SGCZ: variants seen among roughly 807,000 people sequenced by gnomAD.
SGCZ encodes sarcoglycan zeta.
A neutral mutation model predicts 41.3 loss-of-function variants in SGCZ; 40 were observed. The ratio of observed to expected loss-of-function variants is 0.97; its 90% CI spans 0.75 to 1.26. The LOEUF (loss-of-function observed/expected upper bound fraction) is 1.26. Ranked by LOEUF, SGCZ falls within the 50% of genes most tolerant of loss-of-function variation. SGCZ has a pLI of 0.00. For synonymous variants in SGCZ, 206 were observed against 137.5 expected (o/e 1.50, Z -3.49); for missense variants, 552 against 369.8 (o/e 1.49, Z -4.04).
intron 1 of SGCZ, among the ~76,000 whole-genome samples, chr8:14,801,149 C>T (rs1899363): frequency 0.064 from 9,678 of 152,108 alleles, 681 homozygotes; most frequent in African/African-American, 0.17. Context: ...TAACGAAGAT[C>T]GCATTGGTCA....
intron 2 of SGCZ, among the ~76,000 whole-genome samples, chr8:14,514,765 T>G (rs1262483651): frequency 3.0e-5 from 4 of 131,586 alleles, no homozygotes; most frequent in South Asian, 2.5e-4. Context: ...ATGTGTAAAT[T>G]TATATACATA....
chr8:14,591,526 A>T (rs10104442), intron 1 of SGCZ, among the ~76,000 whole-genome samples: 149,495 of 152,134 alleles, frequency 0.98, 73,504 homozygotes, highest in Non-Finnish European at 1. Flanking sequence ...GAAATATAAA[A>T]TATACACAAA....
chr8:14,725,647 T>G (rs1810025256), intron 1 of SGCZ, among the ~76,000 whole-genome samples: 1 of 152,206 alleles, frequency 6.6e-6, no homozygotes, highest in Non-Finnish European at 1.5e-5. Flanking sequence ...TAAAAATCAC[T>G]ATTACTAACA....
intron 1 of SGCZ, among the ~76,000 whole-genome samples, chr8:14,656,854 G>T (rs1365299382): frequency 6.6e-6 from 1 of 151,808 alleles, no homozygotes; most frequent in Non-Finnish European, 1.5e-5. Context: ...TGACTTACAT[G>T]TATGTTTTGA....
chr8:14,758,637 G>C (rs994858135), intron 1 of SGCZ, among the ~76,000 whole-genome samples: 7 of 152,236 alleles, frequency 4.6e-5, no homozygotes, highest in Admixed American at 3.3e-4. Context: ...ACTTGTGATT[G>C]GTGCACAGTC....
chr8:14,723,712 ATATGTCTATATAGTGCATC>A (rs1809963068), intron 1 of SGCZ, among the ~76,000 whole-genome samples: 1 of 152,054 alleles, frequency 6.6e-6, no homozygotes, highest in African/African-American at 2.4e-5. Flanking sequence ...ATATGCATAC[ATATGTCTATATAGTGCATC>A]TATGTGTATA....
chr8:15,095,474 T>G (rs1806312619), intron 1 of SGCZ, among the ~76,000 whole-genome samples: 1 of 152,236 alleles, frequency 6.6e-6, no homozygotes, highest in South Asian at 2.1e-4. Flanking sequence ...CTTAATAGGT[T>G]TTCATTTGTA....
intron 3 of SGCZ, among the ~76,000 whole-genome samples, chr8:14,253,118 T>C (rs191135930): frequency 1.8e-3 from 271 of 152,156 alleles, no homozygotes; most frequent in Non-Finnish European, 3.1e-3. Flanking sequence ...GAAGTAAATA[T>C]AGAATATGCT....
At chr8:15,053,395 G>A (rs994609974) in intron 1 of SGCZ, among the ~76,000 whole-genome samples, 7 of 151,656 alleles carry the variant, frequency 4.6e-5, no homozygotes, top group Admixed American at 3.3e-4. Flanking sequence ...CTCCTCTTCC[G>A]TAGTTGATTT....
chr8:14,338,990 A>G (rs1802603042), intron 2 of SGCZ, among the ~76,000 whole-genome samples: 1 of 152,160 alleles, frequency 6.6e-6, no homozygotes, highest in Non-Finnish European at 1.5e-5. Flanking sequence ...TCAAAAATGA[A>G]ATTGAACTTT....
chr8:14,198,756 A>T (rs1805360184), intron 4 of SGCZ, among the ~76,000 whole-genome samples: 1 of 152,280 alleles, frequency 6.6e-6, no homozygotes, highest in Non-Finnish European at 1.5e-5. Flanking sequence ...TGATGATTTT[A>T]TGGATGTTTA....
intron 1 of SGCZ, among the ~76,000 whole-genome samples, chr8:14,823,198 A>G (rs183872215): frequency 2.8e-3 from 419 of 152,212 alleles, no homozygotes; most frequent in Non-Finnish European, 2.7e-3. Context: ...AGACTTCAAA[A>G]GCACAGGTAA....
intron 1 of SGCZ, among the ~76,000 whole-genome samples, chr8:14,853,700 A>G (rs1188817942): frequency 2.0e-5 from 3 of 152,146 alleles, no homozygotes; most frequent in Non-Finnish European, 4.4e-5. Context: ...TTAGTATTAC[A>G]TGGGTACCAT....
At chr8:14,899,148 C>T (rs1412608373) in intron 1 of SGCZ, among the ~76,000 whole-genome samples, 1 of 152,010 alleles carries the variant, frequency 6.6e-6, no homozygotes, top group African/African-American at 2.4e-5. Context: ...TATCAAGACC[C>T]TTTACATAAT....
At chr8:15,130,785 G>A (rs1167516730) in intron 1 of SGCZ, among the ~76,000 whole-genome samples, 2 of 152,098 alleles carry the variant, frequency 1.3e-5, no homozygotes, top group Non-Finnish European at 2.9e-5. Flanking sequence ...AAGATTATAT[G>A]CCTATGTTTT....
chr8:14,490,645 T>C (rs1801816296), intron 2 of SGCZ, among the ~76,000 whole-genome samples: 1 of 152,206 alleles, frequency 6.6e-6, no homozygotes, highest in Admixed American at 6.5e-5. Context: ...AATCATTTAT[T>C]GAGTGTCCAT....
chr8:14,949,036 T>C (rs976853911), intron 1 of SGCZ, among the ~76,000 whole-genome samples: 1 of 152,060 alleles, frequency 6.6e-6, no homozygotes, highest in Non-Finnish European at 1.5e-5. Context: ...TACTGCCAAA[T>C]CACAATATCC....
At chr8:14,507,062 A>G (rs1309495797) in intron 2 of SGCZ, among the ~76,000 whole-genome samples, 2 of 151,884 alleles carry the variant, frequency 1.3e-5, no homozygotes, top group African/African-American at 4.9e-5. Flanking sequence ...TGATCTTGAC[A>G]GCTCCACTTG....
At chr8:14,509,642 C>A (rs1049731823) in intron 2 of SGCZ, among the ~76,000 whole-genome samples, 1 of 152,074 alleles carries the variant, frequency 6.6e-6, no homozygotes, top group Non-Finnish European at 1.5e-5. Context: ...GATGTAGAGG[C>A]CTTTTCACTC....
Sources: gnomAD v4.1 joint callset for allele counts (sites outside exome capture counted in the v4.1 genomes callset) on GRCh38, gnomAD v4.1.1 for gene constraint, MANE v1.5 for transcripts, NCBI Gene and HGNC (gene_info 2026-07-23, HGNC 2026-07-21) for gene names.